Variants in R3HDM1 observed in about 807,000 individuals in gnomAD.
R3HDM1 encodes the protein R3H domain containing 1.
In R3HDM1, 46 loss-of-function variants were observed where a neutral mutation model predicts 141.1. That is an observed-to-expected ratio of 0.33 (90% confidence interval 0.26 to 0.42). The LOEUF (loss-of-function observed/expected upper bound fraction) is 0.42, where lower values mean the gene tolerates loss of function less well. Among genes scored for constraint, R3HDM1 ranks in the 10% least tolerant of loss-of-function variants. The pLI is 1.00. For missense variants in R3HDM1, 1,184 were observed against 1,368.3 expected (o/e 0.87, Z 2.12); for synonymous variants, 435 against 472.9 (o/e 0.92, Z 1.04).
chr2:135,624,393 C>CAA lies in R3HDM1; in HGVS notation c.497+1678_497+1679dup, dbSNP rs781574838. Among the ~76,000 whole-genome samples the CAA allele has an allele frequency of 1.1e-3, 66 of 61,708 alleles. 1 individual carries two copies. The East Asian group carries it at 0.013, about 12-fold the overall frequency. The allele number at this position is 61,708 out of a possible 152,430, so 40.5% of individuals were successfully genotyped here. A position where few individuals can be genotyped will look rare whatever the true frequency, so the allele number is the denominator to read the frequency against. ...TGGGCGACAGGGCGAGACTCCGTCT[C>CAA]AAAAAAAAAAAAAAAAAAGGAAAGT... On this transcript the variant is annotated intron_variant, in intron 7 of 26. Transcript: ENST00000683871.
chr2:135,604,833 A>G lies in R3HDM1; in HGVS notation c.-13A>G. On this transcript the variant is annotated 5_prime_UTR_variant, in exon 3 of 27. Coordinates refer to ENST00000683871, the MANE Select transcript of R3HDM1 (RefSeq NM_001378107.1). ...TTCAAGCTCCCTGTAGAATTCGAAA[A>G]TAACCTTTTCTAATGAGGATGTCTG... The G allele has an allele frequency of 6.2e-7, 1 of 1,611,134 alleles. No individual in the cohort carries two copies. Among genetic ancestry groups the G allele is most frequent in the Middle Eastern group, 1.7e-4 (1 of 6,034 alleles).
At chr2:135,624,720 G>A (rs943522825) in intron 7 of R3HDM1, among the ~76,000 whole-genome samples, 5 of 152,198 alleles carry the variant, frequency 3.3e-5, no homozygotes, top group African/African-American at 1.2e-4. Context: ...TGAGATTTGT[G>A]TTTTGGAAAG....
chr2:135,557,698 C>T (rs1701048399), intron 1 of R3HDM1, among the ~76,000 whole-genome samples: 1 of 152,124 alleles, frequency 6.6e-6, no homozygotes, highest in Non-Finnish European at 1.5e-5. Flanking sequence ...GTCACATGTT[C>T]AACATTGAAC....
intron 19 of R3HDM1, among the ~76,000 whole-genome samples, chr2:135,664,952 T>C (rs2067273605): frequency 6.6e-6 from 1 of 152,226 alleles, no homozygotes; most frequent in Admixed American, 6.5e-5. Flanking sequence ...TTGCAAAGTA[T>C]GGAATTTTTA....
At chr2:135,627,572 G>A (rs890634218) in intron 7 of R3HDM1, among the ~76,000 whole-genome samples, 3 of 151,932 alleles carry the variant, frequency 2.0e-5, no homozygotes, top group Non-Finnish European at 1.5e-5. Flanking sequence ...TTTTTGTGTT[G>A]CTTTTAGCCA....
At chr2:135,579,424 GAAAT>G (rs1419742889) in intron 1 of R3HDM1, among the ~76,000 whole-genome samples, 1 of 152,006 alleles carries the variant, frequency 6.6e-6, no homozygotes, top group Non-Finnish European at 1.5e-5. Context: ...TGAAAAGAGA[GAAAT>G]AAAAACCATC....
At chr2:135,678,979 G>A (rs2069726236) in intron 20 of R3HDM1, among the ~76,000 whole-genome samples, 1 of 150,070 alleles carries the variant, frequency 6.7e-6, no homozygotes, top group Non-Finnish European at 1.5e-5. Context: ...GGCTGGTCTC[G>A]AACTCCAGAG....
chr2:135,539,514 C>T (rs945349680), intron 1 of R3HDM1, among the ~76,000 whole-genome samples: 1 of 152,112 alleles, frequency 6.6e-6, no homozygotes, highest in Non-Finnish European at 1.5e-5. Flanking sequence ...TGTATTGATA[C>T]AGCAACTAGA....
At chr2:135,609,617 A>C (rs767766365) in intron 3 of R3HDM1, among the ~76,000 whole-genome samples, 5 of 152,226 alleles carry the variant, frequency 3.3e-5, no homozygotes, top group Non-Finnish European at 7.3e-5. Context: ...TTGTTAGACT[A>C]TGAGTATCCC....
chr2:135,659,368 G>C (rs1231188903), intron 18 of R3HDM1, among the ~76,000 whole-genome samples: 2 of 151,876 alleles, frequency 1.3e-5, no homozygotes, highest in African/African-American at 4.8e-5. Flanking sequence ...AGAGTGCTAG[G>C]ATCACAGGTG....
At chr2:135,618,381 C>A (rs1271284638) in intron 5 of R3HDM1, among the ~76,000 whole-genome samples, 1 of 150,948 alleles carries the variant, frequency 6.6e-6, no homozygotes, top group South Asian at 2.1e-4. Flanking sequence ...AGGCTGGTTG[C>A]GAACTCCTGA....
intron 9 of R3HDM1, among the ~76,000 whole-genome samples, chr2:135,633,087 T>C (rs910072086): frequency 2.6e-5 from 4 of 152,178 alleles, no homozygotes; most frequent in Admixed American, 1.3e-4. Context: ...TTAGTGAAAA[T>C]AGATGTGTTT....
chr2:135,642,910 T>C (rs2063954140), intron 15 of R3HDM1, among the ~76,000 whole-genome samples: 1 of 152,194 alleles, frequency 6.6e-6, no homozygotes, highest in African/African-American at 2.4e-5. Context: ...GTAATTACCT[T>C]CTTATTCTTC....
chr2:135,531,768 C>A, intron 1 of R3HDM1, 135 bp downstream of exon 1: 1 of 985,738 alleles, frequency 1.0e-6, no homozygotes. Flanking sequence ...GGAAAGGTGG[C>A]CTTCCCCGCC....
At chr2:135,684,938 A>G (rs1302482284) in intron 21 of R3HDM1, among the ~76,000 whole-genome samples, 3 of 151,776 alleles carry the variant, frequency 2.0e-5, no homozygotes, top group African/African-American at 4.8e-5. Context: ...AATTGTTTAT[A>G]TTTTTGGTAG....
chr2:135,611,846 G>T (rs903744805), intron 3 of R3HDM1, among the ~76,000 whole-genome samples: 3 of 152,074 alleles, frequency 2.0e-5, no homozygotes, highest in Non-Finnish European at 4.4e-5. Context: ...AAAGATGTTG[G>T]CTACATCTTG....
intron 19 of R3HDM1, among the ~76,000 whole-genome samples, chr2:135,674,404 C>T (rs1325933497): frequency 6.6e-6 from 1 of 152,122 alleles, no homozygotes; most frequent in Admixed American, 6.5e-5. Flanking sequence ...AAAAACTTTT[C>T]AGTACTCTGA....
intron 1 of R3HDM1, among the ~76,000 whole-genome samples, chr2:135,536,103 T>C (rs2104876931): frequency 6.6e-6 from 1 of 152,318 alleles, no homozygotes; most frequent in South Asian, 2.1e-4. Context: ...AGCTCACTTC[T>C]TTAGGCAAGG....
chr2:135,540,138 T>C (rs1473366105), intron 1 of R3HDM1, among the ~76,000 whole-genome samples: 1 of 152,228 alleles, frequency 6.6e-6, no homozygotes, highest in Non-Finnish European at 1.5e-5. Flanking sequence ...AGAGTCCATC[T>C]CAAGAAACCA....
Sources: allele counts gnomAD v4.1 joint callset (sites outside exome capture counted in the v4.1 genomes callset), GRCh38; gene constraint gnomAD v4.1.1; transcripts MANE v1.5; gene names NCBI Gene and HGNC (gene_info 2026-07-23, HGNC 2026-07-21).